The following CTTNBP2 variants were observed in gnomAD, a reference collection of about 807,000 sequenced individuals.
CTTNBP2 encodes cortactin binding protein 2, also known as cortactin-binding protein 2.
A neutral mutation model predicts 156.9 loss-of-function variants in CTTNBP2; 108 were observed. That is an observed-to-expected ratio of 0.69 (90% CI 0.59 to 0.81). The LOEUF (loss-of-function observed/expected upper bound fraction) is 0.81. CTTNBP2 is among the 30% of genes least tolerant of loss of function. The pLI is 0.00. For missense variants in CTTNBP2, 1,924 were observed against 2,035.4 expected (o/e 0.95, Z 1.05); for synonymous variants, 767 against 751.8 (o/e 1.02, Z -0.33).
intron 12 of CTTNBP2, among the ~76,000 whole-genome samples, chr7:117,752,194 G>A (rs933850144): frequency 6.6e-6 from 1 of 152,140 alleles, no homozygotes; most frequent in African/African-American, 2.4e-5. Flanking sequence ...TCAGTGACTG[G>A]CATGGCACAT....
intron 1 of CTTNBP2, chr7:117,871,749 G>C (rs1804606275): frequency 5.5e-6 from 1 of 181,914 alleles, no homozygotes; most frequent in Admixed American, 6.6e-5. Flanking sequence ...ATTCTGAGTG[G>C]ATTAAGTAAA....
At chr7:117,811,339 C>T (rs1358501098) in intron 2 of CTTNBP2, among the ~76,000 whole-genome samples, 1 of 151,988 alleles carries the variant, frequency 6.6e-6, no homozygotes, top group Non-Finnish European at 1.5e-5. Context: ...CTTGCTCTGT[C>T]ATCCAGGCTG....
At chr7:117,761,987 G>T (rs1018698172) in intron 9 of CTTNBP2, among the ~76,000 whole-genome samples, 2 of 152,086 alleles carry the variant, frequency 1.3e-5, no homozygotes, top group African/African-American at 4.8e-5. Context: ...CTTATCCACA[G>T]TATCTGACAA....
intron 14 of CTTNBP2, among the ~76,000 whole-genome samples, chr7:117,740,206 C>T (rs1046537310): frequency 1.4e-5 from 2 of 147,722 alleles, no homozygotes; most frequent in Admixed American, 6.7e-5. Context: ...GTGTCATTTT[C>T]TTTGAAATGG....
intron 2 of CTTNBP2, among the ~76,000 whole-genome samples, chr7:117,848,224 A>C (rs920443829): frequency 1.3e-5 from 2 of 152,188 alleles, no homozygotes; most frequent in African/African-American, 4.8e-5. Flanking sequence ...AATGGTTTGA[A>C]GGTCACACAG....
intron 1 of CTTNBP2, among the ~76,000 whole-genome samples, chr7:117,866,804 G>C (rs7801931): frequency 0.76 from 116,277 of 152,174 alleles, 45,500 homozygotes; most frequent in African/African-American, 0.93. Context: ...GCCTAAAAGC[G>C]TTTGTGAGGT....
In CTTNBP2 at chr7:117,710,750, CAAT is replaced by C. The variant is rs548163217; in HGVS notation, c.*784_*786del. ...TAGAAGTAACATTTGTAGAAAATATCAATATTATCAGTTGTGCTACTAGAAATA... is the reference window on the plus strand; with the variant it reads ...TAGAAGTAACATTTGTAGAAAATATCATTATCAGTTGTGCTACTAGAAATA... On this transcript the variant is annotated 3_prime_UTR_variant, in exon 23 of 23. Coordinates refer to ENST00000160373, the MANE Select transcript of CTTNBP2 (RefSeq NM_033427.3). 4.2e-3 allele frequency: 636 copies of C among 150,018 alleles called. 5 individuals carry two copies. The highest frequency in any genetic ancestry group is 0.014 in the African/African-American group (551 of 40,778). 9.3% of individuals were successfully genotyped at this position (150,018 alleles called of 1,614,324 possible).
At chr7:117,802,443 A>AC (rs1799677545) in intron 3 of CTTNBP2, among the ~76,000 whole-genome samples, 1 of 146,520 alleles carries the variant, frequency 6.8e-6, no homozygotes, top group African/African-American at 2.6e-5. Context: ...TTGGCAAAAA[A>AC]AAAAAAAAAA....
intron 8 of CTTNBP2, among the ~76,000 whole-genome samples, chr7:117,767,550 C>T (rs1797551731): frequency 6.6e-6 from 1 of 152,180 alleles, no homozygotes; most frequent in African/African-American, 2.4e-5. Flanking sequence ...AAGACTTTTG[C>T]TATAACGGGA....
At chr7:117,819,961 A>C (rs1164580986) in intron 2 of CTTNBP2, among the ~76,000 whole-genome samples, 1 of 152,238 alleles carries the variant, frequency 6.6e-6, no homozygotes, top group Non-Finnish European at 1.5e-5. Context: ...ATATTAGCAG[A>C]ATTCATGAAA....
At position 117,745,762 on chromosome 7, in the gene CTTNBP2, TTC is replaced by T. The variant is rs1212078113; in HGVS notation, c.3535+67_3535+68del. On this transcript the variant is annotated intron_variant, in intron 14 of 22. Coordinates refer to ENST00000160373, the MANE Select transcript of CTTNBP2 (RefSeq NM_033427.3). ...GTATCCCCAAGCAACACAGTGTATTTTCTCTTAATGGCATAATTGAAGAGCAT... is the reference window on the plus strand; with the variant it reads ...GTATCCCCAAGCAACACAGTGTATTTTCTTAATGGCATAATTGAAGAGCAT... The T allele has an allele frequency of 1.5e-5, 16 of 1,033,288 alleles. No homozygotes were observed. In the East Asian group the frequency reaches 3.8e-4, roughly 25 times the overall value. 64.0% of individuals were successfully genotyped at this position (1,033,288 alleles called of 1,614,324 possible). A position where few individuals can be genotyped will look rare whatever the true frequency, so the allele number is the denominator to read the frequency against.
intron 2 of CTTNBP2, among the ~76,000 whole-genome samples, chr7:117,833,472 T>G (rs187502774): frequency 4.6e-5 from 7 of 152,368 alleles, no homozygotes. Flanking sequence ...AGAACAATTT[T>G]GAGTCCTGAG....
intron 2 of CTTNBP2, among the ~76,000 whole-genome samples, chr7:117,857,598 T>A (rs1584564115): frequency 6.6e-6 from 1 of 152,190 alleles, no homozygotes; most frequent in African/African-American, 2.4e-5. Flanking sequence ...TTTCTAAATT[T>A]AATAAAGTTC....
At chr7:117,784,530 TACAC>T (rs1798606914) in intron 4 of CTTNBP2, 76 bp from the exon 5 acceptor site, 2 of 1,015,204 alleles carry the variant, frequency 2.0e-6, no homozygotes, top group Admixed American at 2.6e-5. Context: ...CTTTCTGAAT[TACAC>T]ACACACAAAC....
chr7:117,826,930 C>A (rs1200358729), intron 2 of CTTNBP2, among the ~76,000 whole-genome samples: 2 of 151,024 alleles, frequency 1.3e-5, no homozygotes, highest in Non-Finnish European at 2.9e-5. Flanking sequence ...GGCACGATTT[C>A]AGCTCACTGC....
Position 117,827,750 on chromosome 7 carries a change from A to G in CTTNBP2, c.190-16761T>C, listed in dbSNP as rs556950716. 3.1e-4 allele frequency among the ~76,000 whole-genome samples: 47 copies of G among 152,362 alleles called. No homozygotes were observed. The South Asian group carries it at 9.7e-3, about 32-fold the overall frequency. ...CCACACACAAAATTTAAAAAGTGAA[A>G]AACACAGAAATAAAGGTAGTTTCTT... is the stretch of plus-strand genomic sequence containing the variant. On this transcript the variant is annotated intron_variant, in intron 2 of 22. Transcript: ENST00000160373.
At chr7:117,718,164 T>C (rs1794562382) in intron 21 of CTTNBP2, 45 bp from the exon 22 acceptor site, 1 of 1,188,602 alleles carries the variant, frequency 8.4e-7, no homozygotes, top group African/African-American at 1.5e-5. Flanking sequence ...ACAGTCACAC[T>C]GTGCATACTC....
rs562400476 is a variant in CTTNBP2, at chr7:117,841,425, T to C, written c.189+19784A>G. Among the ~76,000 whole-genome samples the C allele has an allele frequency of 3.9e-5, 6 of 152,350 alleles. No individual in the cohort carries two copies. The East Asian group carries it at 1.2e-3, about 29-fold the overall frequency. On this transcript the variant is annotated intron_variant, in intron 2 of 22. Transcript: ENST00000160373. ...ACACTCTACTTTCTGTCTTTTTTTT[T>C]TCCCTTTCATCTCCATCCTTTCACT...
chr7:117,791,927 T>C lies in CTTNBP2; in HGVS notation c.1269A>G (p.Pro423=). 1.9e-6 allele frequency: 3 copies of C among 1,614,010 alleles called. No individual in the cohort carries two copies. The highest frequency in any genetic ancestry group is 2.5e-6 in the Non-Finnish European group (3 of 1,179,998). The stretch of plus-strand genomic sequence containing the variant: ...ATGGTGAATGTAAACTGTGCATAGG[T>C]GGAGCTTGCGAGTTCTGAGGAGCTA... The part of the protein sequence containing the change: ...PGIAPQNSQA[P]PMHSLHSPCA... Residue 423 remains proline, a synonymous_variant, in exon 4 of 23, where the codon CCA becomes CCG. Coordinates refer to ENST00000160373, the MANE Select transcript of CTTNBP2 (RefSeq NM_033427.3).
Sources: gnomAD v4.1 joint callset for allele counts (sites outside exome capture counted in the v4.1 genomes callset) on GRCh38, gnomAD v4.1.1 for gene constraint, MANE v1.5 for transcripts, NCBI Gene and HGNC (gene_info 2026-07-23, HGNC 2026-07-21) for gene names.